The following L3MBTL1 variants were observed in gnomAD, a reference collection of about 807,000 sequenced individuals.
L3MBTL1 encodes the protein lethal(3)malignant brain tumor-like protein 1.
Under a neutral mutation model 105.3 loss-of-function variants are expected in L3MBTL1, and 75 were observed. The observed-to-expected ratio is 0.71, with a 90% confidence interval of 0.59 to 0.86. L3MBTL1 has a LOEUF of 0.86. Among genes scored for constraint, L3MBTL1 ranks in the 40% least tolerant of loss-of-function variants. The pLI, the probability that L3MBTL1 is intolerant of heterozygous loss-of-function variation, is 0.00. For synonymous variants in L3MBTL1, 452 were observed against 436.2 expected, an observed-to-expected ratio of 1.04 and a Z score of -0.45; for missense variants, 1,069 against 1,126.4, an observed-to-expected ratio of 0.95 and a Z score of 0.73.
intron 1 of L3MBTL1, 71 bp from the exon 2 acceptor site, chr20:43,513,405 C>A: frequency 1.4e-6 from 2 of 1,453,116 alleles, no homozygotes; most frequent in Non-Finnish European, 1.8e-6. Flanking sequence ...AGCCCCATCC[C>A]TTCACATCTC....
intron 7 of L3MBTL1, among the ~76,000 whole-genome samples, chr20:43,520,131 A>G (rs747580341): frequency 9.2e-5 from 14 of 152,088 alleles, no homozygotes; most frequent in South Asian, 4.1e-4. Context: ...AGATTTGCCT[A>G]TTTTGGACAT....
chr20:43,541,940 G>A, downstream of L3MBTL1: 1 of 983,690 alleles, frequency 1.0e-6, no homozygotes, highest in Non-Finnish European at 1.2e-6. Context: ...GCCGGGCACA[G>A]TGGCTCACGC....
chr20:43,546,117 G>A (rs1422655903), downstream of L3MBTL1, among the ~76,000 whole-genome samples: 1 of 152,250 alleles, frequency 6.6e-6, no homozygotes, highest in Non-Finnish European at 1.5e-5. Flanking sequence ...TGGAAGGAGT[G>A]GGCAGTTCTG....
intron 7 of L3MBTL1, among the ~76,000 whole-genome samples, chr20:43,516,764 G>GT (rs376865254): frequency 4.1e-4 from 61 of 147,128 alleles, no homozygotes; most frequent in African/African-American, 5.0e-4. Flanking sequence ...GACAGTATCT[G>GT]TTTTTTTTTT....
At chr20:43,536,046 G>T (rs1419375097) in intron 17 of L3MBTL1, 51 bp from the exon 18 acceptor site, 6 of 1,597,926 alleles carry the variant, frequency 3.8e-6, no homozygotes, top group Non-Finnish European at 5.1e-6. Flanking sequence ...GCTGAGGAGG[G>T]CTCAGCGGGG....
At position 43,515,067 on chromosome 20, in the gene L3MBTL1, C is replaced by T. The variant is rs753729728; in HGVS notation, c.561C>T (p.Ser187=). The T allele has an allele frequency of 3.1e-6, 5 of 1,614,144 alleles. No homozygotes were observed. Among genetic ancestry groups the T allele is most frequent in the South Asian group, 2.2e-5 (2 of 91,088 alleles). The change falls in exon 5 of 22, where the codon AGC becomes AGT. Residue 187 remains serine (S), a synonymous_variant. Transcript: ENST00000418998. ...DPNQDPPEDD[S]TCQCQACGPH... ...ATCAGGACCCCCCAGAGGATGATAG[C>T]ACCTGTCAGTGCCAGGCGTGCGGGC...
chr20:43,541,086 T>C lies in L3MBTL1; in HGVS notation c.2547T>C (p.His849=). 1 of 1,614,152 alleles carries C rather than the reference T, an allele frequency of 6.2e-7. No homozygotes were observed. Among genetic ancestry groups the C allele is most frequent in the Non-Finnish European group, 8.5e-7 (1 of 1,180,008 alleles). Residue 849 remains histidine, a synonymous_variant, in exon 22 of 22, where the codon CAT becomes CAC. Transcript: ENST00000418998. The part of the protein sequence containing the change: ...VHSLLCSLPT[H]LLAKLSFASD... The stretch of plus-strand genomic sequence containing the variant: ...CACTCCTCTGCTCTCTACCCACTCA[T>C]TTGCTTGCCAAACTTAGCTTTGCCA...
chr20:43,542,029 G>C (rs977337583), downstream of L3MBTL1: 1 of 290,496 alleles, frequency 3.4e-6, no homozygotes, highest in Admixed American at 6.5e-5. Context: ...TGGCCAACAT[G>C]GTGAAACCCT....
chr20:43,532,690 C>A, intron 11 of L3MBTL1, 83 bp from the exon 12 acceptor site: 2 of 1,452,926 alleles, frequency 1.4e-6, no homozygotes. Flanking sequence ...TCCTAGAGAA[C>A]CTATTCCTTT....
In L3MBTL1 at chr20:43,541,464, T is replaced by G. The variant is rs2019912408; in HGVS notation, c.*336T>G. The G allele has an allele frequency of 1.2e-5, 3 of 255,238 alleles. No individual in the cohort carries two copies. The South Asian group carries it at 1.9e-4, about 16-fold the overall frequency. The allele number at this position is 255,238 out of a possible 1,614,324, so 15.8% of individuals were successfully genotyped here. ...ACCAGAACGTCTAGTATAATTACAG[T>G]CATGCATTGCTTAACGATGGGGATA... On this transcript the variant is annotated 3_prime_UTR_variant, in exon 22 of 22. Transcript: ENST00000418998.
chr20:43,515,018 C>T lies in L3MBTL1; in HGVS notation c.512C>T (p.Pro171Leu). 1 of 1,613,906 alleles carries T rather than the reference C, an allele frequency of 6.2e-7. No individual in the cohort carries two copies. Among genetic ancestry groups the T allele is most frequent in the South Asian group, 1.1e-5 (1 of 91,080 alleles). Residue 171 changes from proline to leucine, a missense_variant, in exon 5 of 22, where the codon CCC (proline) becomes CTC (leucine). Transcript: ENST00000418998. ...EAGPQQAEDHPQNPPEDPNQD... is the reference protein window; with the variant it reads ...EAGPQQAEDHLQNPPEDPNQD... ...CATTTGGCCCCCGCAGAGGACCACC[C>T]CCAGAATCCTCCAGAAGATCCCAAT...
chr20:43,511,729 C>T (rs186015184), intron 1 of L3MBTL1, among the ~76,000 whole-genome samples: 2 of 148,398 alleles, frequency 1.3e-5, no homozygotes, highest in Middle Eastern at 3.5e-3. Flanking sequence ...TGCAGTCAGC[C>T]GAGATGGCAC....
At chr20:43,524,628 C>T (rs536469253) in intron 7 of L3MBTL1, among the ~76,000 whole-genome samples, 19 of 152,260 alleles carry the variant, frequency 1.2e-4, no homozygotes, top group African/African-American at 4.6e-4. Flanking sequence ...ATCCATCCAT[C>T]CATCCTTATA....
At position 43,528,674 on chromosome 20, in the gene L3MBTL1, G is replaced by A; in HGVS notation, c.880G>A (p.Glu294Lys). Residue 294 changes from glutamate to lysine, a missense_variant, in exon 8 of 22, where the codon GAA (glutamate) becomes AAA (lysine). Glu to Lys is a moderately conservative substitution (Grantham distance 56). Coordinates refer to ENST00000418998, the MANE Select transcript of L3MBTL1 (RefSeq NM_001377303.1). Reference sequence around the variant, plus strand: ...TTCCACAGCAACAGGTGAGAAGAAGGAATGCTGGTCGTGGGAGTCCTACCT... The same window carrying A: ...TTCCACAGCAACAGGTGAGAAGAAGAAATGCTGGTCGTGGGAGTCCTACCT... ...SSQPATGEKK[E>K]CWSWESYLEE... is the part of the protein sequence containing the mutation. 1 of 1,614,116 alleles carries A rather than the reference G, an allele frequency of 6.2e-7. No individual in the cohort carries two copies. Among genetic ancestry groups the A allele is most frequent in the Non-Finnish European group, 8.5e-7 (1 of 1,179,932 alleles).
In L3MBTL1 at chr20:43,533,423, C is replaced by T. The variant is rs2019443208; in HGVS notation, c.1513+5C>T. 1 of 1,610,830 alleles carries T rather than the reference C, an allele frequency of 6.2e-7. No homozygotes were observed. The highest frequency in any genetic ancestry group is 1.3e-5 in the African/African-American group (1 of 74,838). On this transcript the variant is annotated splice_donor_5th_base_variant and intron_variant, in intron 13 of 21. Coordinates refer to ENST00000418998, the MANE Select transcript of L3MBTL1 (RefSeq NM_001377303.1). Reference sequence around the variant, plus strand: ...AGCCCCTCACCCCTCCACAAGGTGACCCTGCAGCCTGAGCAAGCCCCCTTT... The same window carrying T: ...AGCCCCTCACCCCTCCACAAGGTGATCCTGCAGCCTGAGCAAGCCCCCTTT...
downstream of L3MBTL1, among the ~76,000 whole-genome samples, chr20:43,544,279 C>T (rs1294063372): frequency 6.6e-6 from 1 of 152,200 alleles, no homozygotes; most frequent in Non-Finnish European, 1.5e-5. Context: ...TTAAACATTC[C>T]ATGTGTGGCT....
At chr20:43,513,726 G>A in intron 2 of L3MBTL1, 87 bp downstream of exon 2, 2 of 1,540,978 alleles carry the variant, frequency 1.3e-6, no homozygotes, top group Non-Finnish European at 8.8e-7. Flanking sequence ...GGGGATGACC[G>A]TTTTCACTGT....
At chr20:43,535,085 A>C in intron 16 of L3MBTL1, 143 bp downstream of exon 16, 2 of 599,656 alleles carry the variant, frequency 3.3e-6, no homozygotes, top group Non-Finnish European at 2.9e-6. Flanking sequence ...AGAATCCCCC[A>C]TCTGCCCCAC....
At position 43,533,357 on chromosome 20, in the gene L3MBTL1, C is replaced by G. The variant is rs544126354; in HGVS notation, c.1452C>G (p.Ser484Arg). 73 of 1,613,916 alleles carry G rather than the reference C, an allele frequency of 4.5e-5. 3 individuals carry two copies. The South Asian group carries it at 7.7e-4, about 17-fold the overall frequency. The part of the protein sequence containing the change: ...DTYDYWCDPS[S>R]PYIHPVGWCQ... ...TGGATTTCAGGTGTGATCCCAGCAGCCCCTACATCCACCCAGTGGGCTGGT... is the reference window on the plus strand; with the variant it reads ...TGGATTTCAGGTGTGATCCCAGCAGGCCCTACATCCACCCAGTGGGCTGGT... Residue 484 changes from serine (S) to arginine (R), a missense_variant, in exon 13 of 22, where the codon AGC (serine) becomes AGG (arginine). By Grantham distance (110) the Ser-to-Arg change is moderately radical. Transcript: ENST00000418998.
Sources: allele counts gnomAD v4.1 joint callset (sites outside exome capture counted in the v4.1 genomes callset), GRCh38; gene constraint gnomAD v4.1.1; transcripts MANE v1.5; gene names NCBI Gene and HGNC (gene_info 2026-07-23, HGNC 2026-07-21).